TRHDE: variants seen among roughly 807,000 people sequenced by gnomAD.
The protein encoded by TRHDE is thyrotropin releasing hormone degrading enzyme, also known as thyrotropin-releasing hormone-degrading ectoenzyme.
TRHDE carries 72 observed loss-of-function variants against 125.7 expected under a neutral mutation model. The ratio of observed to expected loss-of-function variants is 0.57; its 90% CI spans 0.47 to 0.70. The LOEUF is 0.70. Among genes scored for constraint, TRHDE ranks in the 30% least tolerant of loss-of-function variants. TRHDE has a pLI of 0.00. For synonymous variants in TRHDE, 509 were observed against 509.1 expected (o/e 1.00, Z 0.00); for missense variants, 1,110 against 1,327.1 (o/e 0.84, Z 2.54).
At position 72,224,120 on chromosome 12, in the gene TRHDE, ATC is replaced by A. The variant is rs1210243192; in HGVS notation, n.279+118370_279+118371del. 8.8e-5 allele frequency among the ~76,000 whole-genome samples: 5 copies of A among 56,980 alleles called. No individual in the cohort carries two copies. The East Asian group carries it at 1.6e-3, about 18-fold the overall frequency. The allele number at this position is 56,980 out of a possible 152,430, so 37.4% of individuals were successfully genotyped here. On this transcript the variant is annotated intron_variant and non_coding_transcript_variant, in intron 2 of 4. Transcript: ENST00000548156. ...TATCTATCTATCTATCTATCTATCT[ATC>A]TATCTATCTATCTATCTATTTATCT...
At position 72,628,478 on chromosome 12, in the gene TRHDE, C is replaced by T. The variant is rs999216062; in HGVS notation, c.2675+6727C>T. On this transcript the variant is annotated intron_variant, in intron 15 of 18. Transcript: ENST00000261180. ...AAAGTTTAGCTGATTGGGCAGAATC[C>T]GTACTGAAACAAGAACATCCTCTAA... Among the ~76,000 whole-genome samples, 158 of 151,894 alleles carry T rather than the reference C, an allele frequency of 1.0e-3. 1 individual carries two copies. Among genetic ancestry groups the T allele is most frequent in the African/African-American group, 3.7e-3 (152 of 41,486 alleles).
At chr12:72,360,857 T>C (rs573240678) in intron 2 of TRHDE, among the ~76,000 whole-genome samples, 79 of 151,912 alleles carry the variant, frequency 5.2e-4, no homozygotes, top group Non-Finnish European at 8.3e-4. Flanking sequence ...CTGGGATACA[T>C]GTGCAGGATA....
intron 3 of TRHDE, among the ~76,000 whole-genome samples, chr12:72,438,664 A>G (rs1478643439): frequency 6.6e-6 from 1 of 151,698 alleles, no homozygotes; most frequent in African/African-American, 2.4e-5. Context: ...TTCTTTATAT[A>G]TTTTGGATAT....
chr12:72,366,058 T>G (rs1472553464), intron 2 of TRHDE, among the ~76,000 whole-genome samples: 1 of 152,096 alleles, frequency 6.6e-6, no homozygotes, highest in Non-Finnish European at 1.5e-5. Context: ...TCTTCGGAGG[T>G]CCAACGAACT....
intron 2 of TRHDE, among the ~76,000 whole-genome samples, chr12:72,167,356 G>T (rs1197563138): frequency 6.6e-6 from 1 of 151,992 alleles, no homozygotes. Context: ...GTGGTAGACA[G>T]ATTATATGAA....
intron 2 of TRHDE, among the ~76,000 whole-genome samples, chr12:72,200,792 C>G (rs2139354771): frequency 6.6e-6 from 1 of 152,174 alleles, no homozygotes; most frequent in Admixed American, 6.5e-5. Flanking sequence ...GTCTGGTTGT[C>G]TAGTAGAGAA....
At chr12:72,567,313 GT>G (rs200237105) in intron 9 of TRHDE, among the ~76,000 whole-genome samples, 270 of 133,688 alleles carry the variant, frequency 2.0e-3, no homozygotes, top group Non-Finnish European at 3.1e-3. Context: ...CCTCCAAAAT[GT>G]TTTTTTTTCA....
At chr12:72,499,844 T>A (rs1470587128) in intron 6 of TRHDE, among the ~76,000 whole-genome samples, 1 of 152,188 alleles carries the variant, frequency 6.6e-6, no homozygotes, top group East Asian at 1.9e-4. Context: ...TGCCAAATAA[T>A]GCATAGAAAT....
chr12:72,642,405 G>C (rs1874102128), intron 15 of TRHDE, among the ~76,000 whole-genome samples: 1 of 152,096 alleles, frequency 6.6e-6, no homozygotes, highest in African/African-American at 2.4e-5. Flanking sequence ...GCTTTCAAAA[G>C]TGTTATCGTA....
At chr12:72,234,211 G>A (rs1276240982) in intron 2 of TRHDE, among the ~76,000 whole-genome samples, 1 of 152,094 alleles carries the variant, frequency 6.6e-6, no homozygotes, top group Non-Finnish European at 1.5e-5. Flanking sequence ...TAAATGTCGA[G>A]TATAGCCTTG....
At chr12:72,215,382 C>T (rs1877866526) in intron 2 of TRHDE, among the ~76,000 whole-genome samples, 3 of 152,294 alleles carry the variant, frequency 2.0e-5, no homozygotes, top group Non-Finnish European at 4.4e-5. Context: ...TCTTCAGTTA[C>T]TTCAGGCCAT....
At chr12:72,307,978 A>G (rs1430085365) in intron 2 of TRHDE, among the ~76,000 whole-genome samples, 1 of 152,046 alleles carries the variant, frequency 6.6e-6, no homozygotes, top group Admixed American at 6.6e-5. Context: ...TTTTTTTGTC[A>G]TGCCTGTGTC....
At chr12:72,134,675 T>C (rs1044221852) in intron 2 of TRHDE, among the ~76,000 whole-genome samples, 1 of 152,112 alleles carries the variant, frequency 6.6e-6, no homozygotes, top group East Asian at 1.9e-4. Flanking sequence ...AAACTCCTAA[T>C]ACGTAGGAGT....
At chr12:72,453,819 T>G (rs1875702227) in intron 3 of TRHDE, among the ~76,000 whole-genome samples, 2 of 152,168 alleles carry the variant, frequency 1.3e-5, no homozygotes, top group Non-Finnish European at 2.9e-5. Flanking sequence ...CGGGTACAGC[T>G]CAGACCACTG....
At chr12:72,232,317 A>G (rs922968593) in intron 2 of TRHDE, among the ~76,000 whole-genome samples, 1 of 152,158 alleles carries the variant, frequency 6.6e-6, no homozygotes, top group Admixed American at 6.5e-5. Flanking sequence ...GCTCTGGCCT[A>G]TAGAGGTGGT....
At chr12:72,549,061 C>G (rs1386652431) in intron 7 of TRHDE, among the ~76,000 whole-genome samples, 1 of 151,736 alleles carries the variant, frequency 6.6e-6, no homozygotes, top group Non-Finnish European at 1.5e-5. Context: ...ATGTTTGGCT[C>G]CAATTATCAG....
chr12:72,603,504 T>A (rs767124491), intron 12 of TRHDE, among the ~76,000 whole-genome samples: 16 of 152,042 alleles, frequency 1.1e-4, no homozygotes, highest in African/African-American at 2.2e-4. Flanking sequence ...GGCGGGCAGA[T>A]CACGAGGTCA....
intron 2 of TRHDE, among the ~76,000 whole-genome samples, chr12:72,308,159 G>A (rs1868380722): frequency 6.6e-6 from 1 of 151,488 alleles, no homozygotes; most frequent in African/African-American, 2.4e-5. Flanking sequence ...TCAGAGCAGT[G>A]TAACTCTAGC....
At chr12:72,362,400 T>C (rs1383326291) in intron 2 of TRHDE, among the ~76,000 whole-genome samples, 33 of 150,874 alleles carry the variant, frequency 2.2e-4, no homozygotes, top group Middle Eastern at 3.5e-3. Context: ...GCCCACTTTT[T>C]GATGGGGTTG....
Sources: gnomAD v4.1 joint callset for allele counts (sites outside exome capture counted in the v4.1 genomes callset) on GRCh38, gnomAD v4.1.1 for gene constraint, MANE v1.5 for transcripts, NCBI Gene and HGNC (gene_info 2026-07-23, HGNC 2026-07-21) for gene names.